Variants in ACOT1 observed in about 807,000 individuals in gnomAD.
ACOT1 encodes acyl-coenzyme A thioesterase 1.
ACOT1 carries 8 observed loss-of-function variants against 15.7 expected under a neutral mutation model. The observed-to-expected ratio is 0.51, with a 90% CI of 0.30 to 0.92. The LOEUF is 0.92. ACOT1 is among the 40% of genes least tolerant of loss of function. The pLI, the probability that ACOT1 is intolerant of heterozygous loss-of-function variation, is 0.06. For missense variants in ACOT1, 151 were observed against 539.4 expected (o/e 0.28, Z 7.13); for synonymous variants, 67 against 241.2 (o/e 0.28, Z 6.69).
Position 73,540,783 on chromosome 14 carries a change from G to A in ACOT1, c.458-710G>A, listed in dbSNP as rs566479276. Reference sequence around the variant, plus strand: ...TTTTGAGACAGTGTCTCGCTCTTTCGCCCAGGCTGGAGTAGTGGCACAATC... The same window carrying A: ...TTTTGAGACAGTGTCTCGCTCTTTCACCCAGGCTGGAGTAGTGGCACAATC... On this transcript the variant is annotated intron_variant, in intron 1 of 2. Coordinates refer to ENST00000311148, the MANE Select transcript of ACOT1 (RefSeq NM_001037161.2). 2.0e-4 allele frequency among the ~76,000 whole-genome samples: 20 copies of A among 99,666 alleles called. 1 individual carries two copies. The highest frequency in any genetic ancestry group is 1.8e-3 in the South Asian group (6 of 3,264). The allele number at this position is 99,666 out of a possible 152,430, so 65.4% of individuals were successfully genotyped here.
the ACOT1 span, among the ~76,000 whole-genome samples, chr14:73,506,802 C>CTGTTTTTTTTTTTTT: frequency 3.4e-5 from 2 of 58,056 alleles, no homozygotes; most frequent in Non-Finnish European, 2.9e-5. Context: ...CTGACTTTAA[C>CTGTTTTTTTTTTTTT]TGTTTTTTTT....
the ACOT1 span, among the ~76,000 whole-genome samples, chr14:73,527,075 T>TC: frequency 2.0e-5 from 3 of 151,952 alleles, no homozygotes; most frequent in Middle Eastern, 3.4e-3. Context: ...GTTGCAGGGG[T>TC]CATAGGCTTA....
the ACOT1 span, among the ~76,000 whole-genome samples, chr14:73,527,980 A>T: frequency 6.6e-6 from 1 of 151,388 alleles, no homozygotes; most frequent in Non-Finnish European, 1.5e-5. Flanking sequence ...AAAAAAAAAA[A>T]AAAAAGGAGT....
the ACOT1 span, chr14:73,508,335 GT>G: frequency 6.3e-7 from 1 of 1,597,810 alleles, no homozygotes; most frequent in Non-Finnish European, 8.6e-7. Flanking sequence ...ATGGTGATGT[GT>G]TTTCCCCCTA....
the ACOT1 span, chr14:73,522,201 A>G: frequency 2.0e-6 from 3 of 1,481,936 alleles, no homozygotes; most frequent in East Asian, 6.8e-5. Flanking sequence ...CGGGAGTGTG[A>G]GTCCACCTGG....
the ACOT1 span, among the ~76,000 whole-genome samples, chr14:73,528,402 A>AAC: frequency 2.6e-5 from 4 of 151,682 alleles, no homozygotes; most frequent in South Asian, 6.3e-4. Flanking sequence ...CAAAAAAAAA[A>AAC]AAAAAAAAAA....
the ACOT1 span, chr14:73,491,281 C>T: frequency 5.8e-6 from 9 of 1,560,942 alleles, no homozygotes; most frequent in Admixed American, 1.9e-5. Flanking sequence ...TGGCGGCCGT[C>T]CCGGACGCAG....
chr14:73,492,892 G>T, the ACOT1 span: 2 of 1,613,746 alleles, frequency 1.2e-6, no homozygotes, highest in East Asian at 4.5e-5. The surrounding 1 kb of genome is among the most constrained non-coding windows in gnomAD (Gnocchi z 4.9). Context: ...TGGCAACCAC[G>T]TTGTATGATA....
the ACOT1 span, chr14:73,520,116 T>TCAAA: frequency 6.6e-6 from 1 of 152,260 alleles, no homozygotes; most frequent in Non-Finnish European, 1.5e-5. Context: ...AGAGTAATTT[T>TCAAA]GTTAAACACT....
chr14:73,496,107 G>A, the ACOT1 span, among the ~76,000 whole-genome samples: 3 of 152,202 alleles, frequency 2.0e-5, no homozygotes, highest in African/African-American at 7.2e-5. Context: ...TCCAGCCTGG[G>A]CGACAGAGCG....
the ACOT1 span, among the ~76,000 whole-genome samples, chr14:73,506,802 C>CTTTTTTTTTTTTTTT: frequency 6.9e-5 from 4 of 58,026 alleles, no homozygotes; most frequent in Admixed American, 2.1e-4. Flanking sequence ...CTGACTTTAA[C>CTTTTTTTTTTTTTTT]TGTTTTTTTT....
At chr14:73,497,546 C>A in the ACOT1 span, among the ~76,000 whole-genome samples, 15 of 152,294 alleles carry the variant, frequency 9.8e-5, no homozygotes, top group East Asian at 2.7e-3. Flanking sequence ...GGAATTCAAA[C>A]CCTGGTCTTT....
At chr14:73,509,808 G>A in the ACOT1 span, among the ~76,000 whole-genome samples, 1 of 63,466 alleles carries the variant, frequency 1.6e-5, no homozygotes, top group Non-Finnish European at 2.9e-5. Context: ...TGCCCCATGA[G>A]CCCATATATA....
the ACOT1 span, chr14:73,491,139 A>T: frequency 6.2e-7 from 1 of 1,607,942 alleles, no homozygotes; most frequent in Non-Finnish European, 8.5e-7. Context: ...AAGATACGAA[A>T]GCAGCTGCGA....
the ACOT1 span, among the ~76,000 whole-genome samples, chr14:73,499,476 T>A: frequency 6.6e-6 from 1 of 151,874 alleles, no homozygotes; most frequent in Non-Finnish European, 1.5e-5. Flanking sequence ...CGAGTCTCCA[T>A]CTCAAAAAAG....
chr14:73,522,557 G>T, the ACOT1 span: 2 of 1,614,136 alleles, frequency 1.2e-6, no homozygotes, highest in East Asian at 4.5e-5. Context: ...CCACGCTCTG[G>T]CCTCCTTCTC....
chr14:73,514,007 A>G, the ACOT1 span: 2 of 1,610,614 alleles, frequency 1.2e-6, no homozygotes, highest in African/African-American at 1.3e-5. Context: ...AACGTACAGT[A>G]TCACAGGACC....
chr14:73,500,517 C>G, the ACOT1 span: 1 of 1,595,540 alleles, frequency 6.3e-7, no homozygotes, highest in South Asian at 1.1e-5. Context: ...TCAGGTCAAT[C>G]AGGTAAGATG....
the ACOT1 span, chr14:73,491,926 T>C: frequency 6.2e-7 from 1 of 1,613,618 alleles, no homozygotes; most frequent in Admixed American, 1.7e-5. Flanking sequence ...GTCCGCAGGC[T>C]TTCTCTACTA....
Sources: gnomAD v4.1 joint callset for allele counts (sites outside exome capture counted in the v4.1 genomes callset) on GRCh38, gnomAD v4.1.1 for gene constraint, Gnocchi (gnomAD v3.1) non-coding constraint, MANE v1.5 for transcripts, NCBI Gene and HGNC (gene_info 2026-07-23, HGNC 2026-07-21) for gene names.